Variants in CABLES1 observed in about 807,000 individuals in gnomAD.
The protein encoded by CABLES1 is CDK5 and ABL1 enzyme substrate 1.
Under a neutral mutation model 57.8 loss-of-function variants are expected in CABLES1, and 36 were observed. The ratio of observed to expected loss-of-function variants is 0.62; its 90% CI spans 0.48 to 0.82. The LOEUF (loss-of-function observed/expected upper bound fraction) is 0.82, where lower values mean the gene tolerates loss of function less well. Among genes scored for constraint, CABLES1 ranks in the 40% least tolerant of loss-of-function variants. The probability of loss-of-function intolerance (pLI) is 0.00; values close to 1 mark genes in which losing one functional copy is unlikely to be tolerated. For missense variants in CABLES1, 767 were observed against 836.6 expected, an observed-to-expected ratio of 0.92 and a Z score of 1.03; for synonymous variants, 374 against 363.0, an observed-to-expected ratio of 1.03 and a Z score of -0.35.
intron 3 of CABLES1, among the ~76,000 whole-genome samples, chr18:23,212,961 G>A (rs1254918440): frequency 1.3e-5 from 2 of 152,172 alleles, no homozygotes; most frequent in Admixed American, 6.5e-5. Flanking sequence ...TGGGGGTGCT[G>A]TAAGTACTTC....
intron 2 of CABLES1, 101 bp from the exon 3 acceptor site, chr18:23,194,347 T>C: frequency 2.8e-6 from 2 of 717,468 alleles, no homozygotes; most frequent in South Asian, 3.4e-5. Context: ...TTGGGGTGAC[T>C]CAAGCCATTT....
intron 4 of CABLES1, among the ~76,000 whole-genome samples, chr18:23,216,920 G>C (rs533202007): frequency 7.9e-5 from 12 of 152,270 alleles, no homozygotes; most frequent in Non-Finnish European, 1.5e-4. Flanking sequence ...AGGATATTCA[G>C]CAGATTTGGC....
At chr18:23,237,515 A>ATG (rs1033533911) in intron 7 of CABLES1, among the ~76,000 whole-genome samples, 7 of 152,278 alleles carry the variant, frequency 4.6e-5, no homozygotes, top group African/African-American at 1.7e-4. Flanking sequence ...CTGAAGGGGG[A>ATG]TGTCCGAGCT....
intron 1 of CABLES1, among the ~76,000 whole-genome samples, chr18:23,149,462 A>G (rs1418782959): frequency 6.6e-6 from 1 of 152,018 alleles, no homozygotes; most frequent in East Asian, 1.9e-4. Flanking sequence ...TTGTATTTTT[A>G]GTGGAGACAG....
chr18:23,245,993 C>A (rs1182082159), intron 7 of CABLES1, among the ~76,000 whole-genome samples: 1 of 152,210 alleles, frequency 6.6e-6, no homozygotes, highest in Admixed American at 6.5e-5. Flanking sequence ...CCCGGCCGGG[C>A]ACGGTGGCTC....
Position 23,235,993 on chromosome 18 carries a change from G to C in CABLES1, c.1284G>C (p.Leu428=). 6.2e-7 allele frequency: 1 copy of C among 1,614,178 alleles called. No individual in the cohort carries two copies. The highest frequency in any genetic ancestry group is 1.1e-5 in the South Asian group (1 of 91,078). ...STSSFSQFRN[L]SHRSLSIGRA... ...CCTCTTTCTCCCAGTTCCGTAACCTGAGCCACCGCAGCCTCTCCATAGGCC... is the reference window on the plus strand; with the variant it reads ...CCTCTTTCTCCCAGTTCCGTAACCTCAGCCACCGCAGCCTCTCCATAGGCC... The change falls in exon 6 of 10, where the codon CTG becomes CTC. Residue 428 remains leucine (L), a synonymous_variant. Transcript: ENST00000256925.
intron 3 of CABLES1, chr18:23,204,788 CAG>C (rs932155235): frequency 1.3e-5 from 2 of 152,252 alleles, no homozygotes; most frequent in African/African-American, 4.8e-5. Context: ...AGCCAAGCAA[CAG>C]GGGTTTCCCC....
chr18:23,249,602 C>T (rs1041847724), intron 7 of CABLES1, among the ~76,000 whole-genome samples: 7 of 152,172 alleles, frequency 4.6e-5, no homozygotes, highest in African/African-American at 7.2e-5. Flanking sequence ...CTTTTACGTA[C>T]GTTTTGTTCT....
At chr18:23,218,281 C>T (rs1052395052) in intron 4 of CABLES1, among the ~76,000 whole-genome samples, 4 of 149,632 alleles carry the variant, frequency 2.7e-5, no homozygotes, top group South Asian at 2.1e-4. Context: ...CCCTGCCTCC[C>T]GCATCCTCAC....
chr18:23,161,986 C>T (rs1437836206), intron 1 of CABLES1, among the ~76,000 whole-genome samples: 1 of 151,290 alleles, frequency 6.6e-6, no homozygotes, highest in Non-Finnish European at 1.5e-5. Flanking sequence ...ACCAACATGG[C>T]GAAGCCCTGT....
chr18:23,140,531 G>C (rs1284150847), intron 1 of CABLES1, among the ~76,000 whole-genome samples: 1 of 151,942 alleles, frequency 6.6e-6, no homozygotes, highest in Non-Finnish European at 1.5e-5. Context: ...CTGCCTCCTG[G>C]GTTCAAGCAA....
At chr18:23,142,822 G>A (rs780924078) in intron 1 of CABLES1, among the ~76,000 whole-genome samples, 2 of 152,276 alleles carry the variant, frequency 1.3e-5, no homozygotes, top group Admixed American at 6.5e-5. Flanking sequence ...GAGGGGTGCA[G>A]GGACGTTTCA....
chr18:23,245,862 T>A (rs2047864273), intron 7 of CABLES1, among the ~76,000 whole-genome samples: 1 of 152,252 alleles, frequency 6.6e-6, no homozygotes, highest in Non-Finnish European at 1.5e-5. Context: ...AAAACACAAC[T>A]GCCTGCTGCA....
rs745945858 is a variant in CABLES1 at position 23,257,441 on chromosome 18, GAAA to G, written c.*79_*81del. 6.8e-7 allele frequency: 1 copy of G among 1,464,462 alleles called. No homozygotes were observed. Among genetic ancestry groups the G allele is most frequent in the Non-Finnish European group, 9.1e-7 (1 of 1,096,122 alleles). 90.7% of individuals were successfully genotyped at this position (1,464,462 alleles called of 1,614,324 possible). On this transcript the variant is annotated 3_prime_UTR_variant, in exon 10 of 10. Coordinates refer to ENST00000256925, the MANE Select transcript of CABLES1 (RefSeq NM_001100619.3). ...GCAGCACTTACTTACTACTGGAAAT[GAAA>G]AAAAGTAGAACTCAGAATACCAGAC...
intron 3 of CABLES1, among the ~76,000 whole-genome samples, chr18:23,203,417 C>T (rs1005391884): frequency 6.6e-6 from 1 of 150,994 alleles, no homozygotes; most frequent in African/African-American, 2.4e-5. Flanking sequence ...AGAACTGAGC[C>T]AGAGTGTTTT....
chr18:23,230,666 C>T lies in CABLES1; in HGVS notation c.1089-3942C>T, dbSNP rs77779715. ...GACTAGCTTTGGCGTACAAGAAATA[C>T]CTCATTTCTTCTTTTTAAATCTACT... On this transcript the variant is annotated intron_variant, in intron 4 of 9. Coordinates refer to ENST00000256925, the MANE Select transcript of CABLES1 (RefSeq NM_001100619.3). Among the ~76,000 whole-genome samples, 817 of 152,224 alleles carry T rather than the reference C, an allele frequency of 5.4e-3. 7 individuals carry two copies. Among genetic ancestry groups the T allele is most frequent in the South Asian group, 0.024 (117 of 4,816 alleles).
intron 9 of CABLES1, among the ~76,000 whole-genome samples, chr18:23,254,770 C>A (rs1013487902): frequency 6.6e-6 from 1 of 152,176 alleles, no homozygotes; most frequent in Non-Finnish European, 1.5e-5. Context: ...GGCTCTGAAT[C>A]CCTTCACTCC....
At chr18:23,255,822 A>G (rs1336376374) in intron 9 of CABLES1, among the ~76,000 whole-genome samples, 3 of 151,994 alleles carry the variant, frequency 2.0e-5, no homozygotes, top group Admixed American at 1.3e-4. Context: ...CAACCTCCCA[A>G]AGTACTGGGA....
intron 2 of CABLES1, among the ~76,000 whole-genome samples, chr18:23,194,195 A>G (rs1250770464): frequency 6.6e-6 from 1 of 152,154 alleles, no homozygotes; most frequent in Non-Finnish European, 1.5e-5. Context: ...GCAGGGGACA[A>G]TATTCTTGAT....
Sources: gnomAD v4.1 joint callset for allele counts (sites outside exome capture counted in the v4.1 genomes callset) on GRCh38, gnomAD v4.1.1 for gene constraint, MANE v1.5 for transcripts, NCBI Gene and HGNC (gene_info 2026-07-23, HGNC 2026-07-21) for gene names.